Variants in TRIP13 observed in about 807,000 individuals in gnomAD.
TRIP13 encodes the protein pachytene checkpoint protein 2 homolog.
A neutral mutation model predicts 54.4 loss-of-function variants in TRIP13; 25 were observed. That is an observed-to-expected ratio of 0.46 (90% CI 0.33 to 0.64). The LOEUF is 0.64. Ranked by LOEUF, TRIP13 falls within the 30% of genes least tolerant of loss-of-function variation. TRIP13 has a pLI of 0.02. For synonymous variants in TRIP13, 207 were observed against 207.8 expected, an observed-to-expected ratio of 1.00 and a Z score of 0.03; for missense variants, 373 against 534.2, an observed-to-expected ratio of 0.70 and a Z score of 2.97.
intron 3 of TRIP13, among the ~76,000 whole-genome samples, chr5:897,088 T>C (rs565618587): frequency 1.1e-3 from 166 of 152,342 alleles, no homozygotes; most frequent in Non-Finnish European, 2.0e-3. Context: ...CCTTGTCTGC[T>C]TGATGCTTCT....
intron 5 of TRIP13, among the ~76,000 whole-genome samples, chr5:901,893 G>A (rs1227380747): frequency 6.6e-6 from 1 of 152,220 alleles, no homozygotes; most frequent in Non-Finnish European, 1.5e-5. Context: ...AAAGTGCTGG[G>A]ATTACAGGCT....
intron 6 of TRIP13, among the ~76,000 whole-genome samples, chr5:906,373 T>A (rs1158368442): frequency 6.6e-6 from 1 of 152,226 alleles, no homozygotes; most frequent in Non-Finnish European, 1.5e-5. Context: ...AATCAAAATG[T>A]TTTATAATTA....
At chr5:896,036 G>A (rs967675205) in intron 2 of TRIP13, among the ~76,000 whole-genome samples, 1 of 152,234 alleles carries the variant, frequency 6.6e-6, no homozygotes, top group African/African-American at 2.4e-5. Context: ...GAAACCGACT[G>A]GGCAAGGTGG....
In TRIP13 at chr5:911,725, C is replaced by A; in HGVS notation, c.867-118C>A. On this transcript the variant is annotated intron_variant, in intron 9 of 12. Transcript: ENST00000166345. This position sits in a 1 kb window ranked among gnomAD's most constrained non-coding sequence, Gnocchi z 4.7. ...CCTGTGTTGGCACAAGGCCACTTTCCTTCCTGTTGGCAGCCTGCTGGCCAT... is the reference window on the plus strand; with the variant it reads ...CCTGTGTTGGCACAAGGCCACTTTCATTCCTGTTGGCAGCCTGCTGGCCAT... 7.4e-7 allele frequency: 1 copy of A among 1,351,528 alleles called. No homozygotes were observed. Among genetic ancestry groups the A allele is most frequent in the Non-Finnish European group, 9.9e-7 (1 of 1,012,820 alleles). 83.7% of individuals were successfully genotyped at this position (1,351,528 alleles called of 1,614,324 possible).
At chr5:901,811 C>T (rs938856156) in intron 5 of TRIP13, among the ~76,000 whole-genome samples, 2 of 152,088 alleles carry the variant, frequency 1.3e-5, no homozygotes, top group Non-Finnish European at 2.9e-5. Flanking sequence ...TTAGTAGAGA[C>T]GGGGTTTCAC....
intron 2 of TRIP13, among the ~76,000 whole-genome samples, chr5:895,737 A>G (rs1753899032): frequency 1.3e-5 from 2 of 152,228 alleles, no homozygotes; most frequent in Admixed American, 1.3e-4. Flanking sequence ...CGGGCTGCCC[A>G]GGGAAAGTTC....
Position 912,223 on chromosome 5 carries a change from T to C in TRIP13, c.1020+227T>C, listed in dbSNP as rs1470844234. Among the ~76,000 whole-genome samples the C allele has an allele frequency of 6.6e-6, 1 of 152,148 alleles. No individual in the cohort carries two copies. Among genetic ancestry groups the C allele is most frequent in the Non-Finnish European group, 1.5e-5 (1 of 68,018 alleles). ...TCTTTTGGCACAATACAGTCATCAT[T>C]GTTCATTATTTGAGGTACCAGTCAG... is the stretch of plus-strand genomic sequence containing the variant. On this transcript the variant is annotated intron_variant, in intron 10 of 12. Transcript: ENST00000166345. The surrounding 1 kb of genome is among the most constrained non-coding windows in gnomAD (Gnocchi z 7.2).
chr5:907,344 C>A lies in TRIP13; in HGVS notation c.672+151C>A. On this transcript the variant is annotated intron_variant, in intron 7 of 12. Transcript: ENST00000166345. The surrounding 1 kb of genome is among the most constrained non-coding windows in gnomAD (Gnocchi z 4.1). ...GGCTGACTGTGATCAGAGAAGGTTC[C>A]GGAGCTGGGGCCCTTGGGGACCCTC... The A allele has an allele frequency of 2.8e-6, 2 of 718,150 alleles. No homozygotes were observed. The highest frequency in any genetic ancestry group is 4.6e-6 in the Non-Finnish European group (2 of 431,492). 44.5% of individuals were successfully genotyped at this position (718,150 alleles called of 1,614,324 possible).
chr5:906,611 T>C (rs186761961), intron 6 of TRIP13, among the ~76,000 whole-genome samples: 1 of 152,200 alleles, frequency 6.6e-6, no homozygotes, highest in Non-Finnish European at 1.5e-5. Flanking sequence ...TCTGGTGATT[T>C]AGTCAGCAGC....
Position 912,705 on chromosome 5 carries a change from G to T in TRIP13, c.1020+709G>T, listed in dbSNP as rs1169473706. 3.3e-5 allele frequency among the ~76,000 whole-genome samples: 5 copies of T among 151,934 alleles called. No homozygotes were observed. Among genetic ancestry groups the T allele is most frequent in the African/African-American group, 1.2e-4 (5 of 41,350 alleles). ...GCACAGTGACGCGTGTGGTGAGTGT[G>T]CGTGAGTCTGGAACGCCGTCGCCAT... On this transcript the variant is annotated intron_variant, in intron 10 of 12. Transcript: ENST00000166345. The surrounding 1 kb of genome is among the most constrained non-coding windows in gnomAD (Gnocchi z 7.2).
intron 12 of TRIP13, 137 bp from the exon 13 acceptor site, chr5:916,871 G>T: frequency 1.6e-6 from 1 of 623,710 alleles, no homozygotes. Context: ...TGTGTGGTGC[G>T]CACTCACTGC....
chr5:913,556 A>G lies in TRIP13; in HGVS notation c.1021-909A>G, dbSNP rs987495651. ...TTTTCAGTAGAGAAAGGGTTTCATC[A>G]TGTTGGCCTGGCTGGTCTCAAACTC... On this transcript the variant is annotated intron_variant, in intron 10 of 12. Coordinates refer to ENST00000166345, the MANE Select transcript of TRIP13 (RefSeq NM_004237.4). The surrounding 1 kb of genome is among the most constrained non-coding windows in gnomAD (Gnocchi z 4.5). Among the ~76,000 whole-genome samples the G allele has an allele frequency of 2.6e-5, 4 of 152,088 alleles. No individual in the cohort carries two copies. The highest frequency in any genetic ancestry group is 4.4e-5 in the Non-Finnish European group (3 of 68,014).
At position 912,188 on chromosome 5, in the gene TRIP13, A is replaced by G. The variant is rs994747900; in HGVS notation, c.1020+192A>G. On this transcript the variant is annotated intron_variant, in intron 10 of 12. Transcript: ENST00000166345. The surrounding 1 kb of genome is among the most constrained non-coding windows in gnomAD (Gnocchi z 7.2). Reference sequence around the variant, plus strand: ...AGTTGAAACTAGGGCCACTGACTCAATATTTTTGTTCTTTTGGCACAATAC... The same window carrying G: ...AGTTGAAACTAGGGCCACTGACTCAGTATTTTTGTTCTTTTGGCACAATAC... 2.0e-5 allele frequency among the ~76,000 whole-genome samples: 3 copies of G among 152,130 alleles called. No individual in the cohort carries two copies. The highest frequency in any genetic ancestry group is 6.5e-5 in the Admixed American group (1 of 15,274).
chr5:908,245 G>A lies in TRIP13; in HGVS notation c.760-110G>A, dbSNP rs893048776. The A allele has an allele frequency of 1.4e-6, 2 of 1,432,162 alleles. No individual in the cohort carries two copies. The highest frequency in any genetic ancestry group is 1.9e-6 in the Non-Finnish European group (2 of 1,030,442). 88.7% of individuals were successfully genotyped at this position (1,432,162 alleles called of 1,614,324 possible). ...CCGCAGCATCCGCAGGCTAGGCACG[G>A]GAACACCCATTCATTCATCTTTTTC... On this transcript the variant is annotated intron_variant, in intron 8 of 12. Coordinates refer to ENST00000166345, the MANE Select transcript of TRIP13 (RefSeq NM_004237.4). The surrounding 1 kb of genome is among the most constrained non-coding windows in gnomAD (Gnocchi z 5.2).
At position 917,533 on chromosome 5, in the gene TRIP13, C is replaced by T. The variant is rs1053553061; in HGVS notation, c.*430C>T. 2 of 153,938 alleles carry T rather than the reference C, an allele frequency of 1.3e-5. No individual in the cohort carries two copies. The highest frequency in any genetic ancestry group is 4.8e-5 in the African/African-American group (2 of 41,498). The allele number at this position is 153,938 out of a possible 1,614,324, so 9.5% of individuals were successfully genotyped here. A position where few individuals can be genotyped will look rare whatever the true frequency, so the allele number is the denominator to read the frequency against. Reference sequence around the variant, plus strand: ...ATATAATCATAGCATTAAAAATGCACACATTACTCCAGGTGGAAGGTGGCA... The same window carrying T: ...ATATAATCATAGCATTAAAAATGCATACATTACTCCAGGTGGAAGGTGGCA... On this transcript the variant is annotated 3_prime_UTR_variant, in exon 13 of 13. Transcript: ENST00000166345.
At chr5:900,770 A>T (rs780055534) in intron 4 of TRIP13, among the ~76,000 whole-genome samples, 1 of 152,186 alleles carries the variant, frequency 6.6e-6, no homozygotes, top group Non-Finnish European at 1.5e-5. Context: ...GAGAACGTGA[A>T]GGCAACTTAG....
rs1754146435 is a variant in TRIP13, at chr5:907,783, G to A, written c.673-205G>A. On this transcript the variant is annotated intron_variant, in intron 7 of 12. Coordinates refer to ENST00000166345, the MANE Select transcript of TRIP13 (RefSeq NM_004237.4). The surrounding 1 kb of genome is among the most constrained non-coding windows in gnomAD (Gnocchi z 4.1). ...GTGTGGTCTCAGGTCTCAGCACCCT[G>A]GCATTCAAAGCAGAGGGGAAGAGTG... Among the ~76,000 whole-genome samples, 1 of 152,242 alleles carries A rather than the reference G, an allele frequency of 6.6e-6. No homozygotes were observed. The highest frequency in any genetic ancestry group is 1.9e-4 in the East Asian group (1 of 5,196).
chr5:917,033 T>A lies in TRIP13; in HGVS notation c.1229T>A (p.Phe410Tyr). The change falls in exon 13 of 13, where the codon TTC becomes TAC. Residue 410 changes from phenylalanine (F) to tyrosine (Y), a missense_variant. Physicochemically the swap from Phe to Tyr is conservative, Grantham distance 22. This residue lies in a region of TRIP13 where 101 missense variants were observed against 138.5 expected (regional missense o/e 0.73). Coordinates refer to ENST00000166345, the MANE Select transcript of TRIP13 (RefSeq NM_004237.4). Reference sequence around the variant, plus strand: ...GCCCCCACCGTCACCATAGAGGGGTTCCTCCAGGCCCTGTCTCTGGCAGTG... The same window carrying A: ...GCCCCCACCGTCACCATAGAGGGGTACCTCCAGGCCCTGTCTCTGGCAGTG... ...VQAPTVTIEG[F>Y]LQALSLAVDK... The A allele has an allele frequency of 6.2e-7, 1 of 1,614,082 alleles. No individual in the cohort carries two copies. Among genetic ancestry groups the A allele is most frequent in the Non-Finnish European group, 8.5e-7 (1 of 1,180,002 alleles).
intron 6 of TRIP13, among the ~76,000 whole-genome samples, chr5:905,232 TC>T (rs1220925454): frequency 5.3e-5 from 8 of 152,130 alleles, no homozygotes; most frequent in Non-Finnish European, 1.0e-4. Context: ...TGCTGAAGGA[TC>T]CGTGGGCACT....
Sources: gnomAD v4.1 joint callset for allele counts (sites outside exome capture counted in the v4.1 genomes callset) on GRCh38, gnomAD v4.1.1 for gene constraint, gnomAD v4.1.1 regional missense constraint, Gnocchi (gnomAD v3.1) non-coding constraint, MANE v1.5 for transcripts, NCBI Gene and HGNC (gene_info 2026-07-23, HGNC 2026-07-21) for gene names.